The following TFIP11 variants were observed in gnomAD, a reference collection of about 807,000 sequenced individuals.
TFIP11 encodes the protein tuftelin-interacting protein 11.
A neutral mutation model predicts 96.8 loss-of-function variants in TFIP11; 86 were observed. The ratio of observed to expected loss-of-function variants is 0.89; its 90% CI spans 0.75 to 1.06. TFIP11 has a LOEUF of 1.06. Ranked by LOEUF, TFIP11 falls within the 50% of genes least tolerant of loss-of-function variation. The pLI is 0.00. For synonymous variants in TFIP11, 405 were observed against 395.2 expected (o/e 1.02, Z -0.29); for missense variants, 881 against 1,076.7 (o/e 0.82, Z 2.54).
intron 7 of TFIP11, among the ~76,000 whole-genome samples, chr22:26,502,934 C>T (rs1167625795): frequency 1.3e-5 from 2 of 152,218 alleles, no homozygotes; most frequent in Non-Finnish European, 2.9e-5. Flanking sequence ...ACACCTGACT[C>T]ACAGTGGTCA....
Position 26,499,493 on chromosome 22 carries a change from C to CG in TFIP11, c.939dup (p.Gly314ArgfsTer26). Reference sequence around the variant, plus strand: ...TGCTCCAGCTCGGGCAGCGCGAAGCCGGGGGCCTTGGCCTCTTTGCCAGAC... The same window carrying CG: ...TGCTCCAGCTCGGGCAGCGCGAAGCCGGGGGGCCTTGGCCTCTTTGCCAGAC... On this transcript the variant is annotated frameshift_variant, in exon 9 of 15. Transcript: ENST00000407690. LOFTEE classifies it high-confidence loss of function. The CG allele has an allele frequency of 6.2e-7, 1 of 1,614,170 alleles. No individual in the cohort carries two copies. Among genetic ancestry groups the CG allele is most frequent in the Non-Finnish European group, 8.5e-7 (1 of 1,180,050 alleles).
At position 26,494,348 on chromosome 22, in the gene TFIP11, G is replaced by A. The variant is rs374824076; in HGVS notation, c.1993-44C>T. On this transcript the variant is annotated intron_variant, in intron 13 of 14. Transcript: ENST00000407690. ...ACTTGCATCCATCGTGGCAACAAATGAAGGCAAGATTTCTGAAGTGGCCAT... is the reference window on the plus strand; with the variant it reads ...ACTTGCATCCATCGTGGCAACAAATAAAGGCAAGATTTCTGAAGTGGCCAT... 3 of 1,613,012 alleles carry A rather than the reference G, an allele frequency of 1.9e-6. No homozygotes were observed. In the African/African-American group the frequency reaches 4.0e-5, roughly 22 times the overall value.
rs1420826525 is a variant in TFIP11, at chr22:26,499,301, C to G, written c.1132G>C (p.Glu378Gln). 1 of 1,614,092 alleles carries G rather than the reference C, an allele frequency of 6.2e-7. No homozygotes were observed. The change falls in exon 9 of 15, where the codon GAG becomes CAG. Residue 378 changes from glutamate (E) to glutamine (Q), a missense_variant. Transcript: ENST00000407690. ...CGCCGCTCGCACTCCTCCACCATCT[C>G]CAGGACCTTGCTGAGGTTCGAGATG... The part of the protein sequence containing the change: ...RVISNLSKVL[E>Q]MVEECERRMQ...
chr22:26,492,187 C>T lies in TFIP11; in HGVS notation c.2340G>A (p.Lys780=). 6.2e-7 allele frequency: 1 copy of T among 1,614,220 alleles called. No homozygotes were observed. The highest frequency in any genetic ancestry group is 8.5e-7 in the Non-Finnish European group (1 of 1,180,042). ...PMNFKDLIET[K]AEEHNIVFMP... ...TGAAGACAATGTTGTGCTCCTCAGCCTTGGTCTCAATGAGGTCCTTAAAGT... is the reference window on the plus strand; with the variant it reads ...TGAAGACAATGTTGTGCTCCTCAGCTTTGGTCTCAATGAGGTCCTTAAAGT... The change falls in exon 15 of 15, where the codon AAG becomes AAA. Residue 780 remains lysine, a synonymous_variant. Transcript: ENST00000407690.
Position 26,510,178 on chromosome 22 carries a change from T to C in TFIP11, c.95A>G (p.Gln32Arg). Residue 32 changes from glutamine to arginine, a missense_variant, in exon 4 of 15, where the codon CAG becomes CGG. Physicochemically the swap from Gln to Arg is conservative, Grantham distance 43. Transcript: ENST00000407690. The part of the protein sequence containing the change: ...ENFEITDWDL[Q>R]NEFNPNRQRH... Reference sequence around the variant, plus strand: ...CTGTCGGTTGGGGTTGAACTCATTCTGGAGATCCCAGTCAGTGATCTCAAA... The same window carrying C: ...CTGTCGGTTGGGGTTGAACTCATTCCGGAGATCCCAGTCAGTGATCTCAAA... The C allele has an allele frequency of 6.2e-7, 1 of 1,614,230 alleles. No homozygotes were observed. Among genetic ancestry groups the C allele is most frequent in the Non-Finnish European group, 8.5e-7 (1 of 1,180,044 alleles).
At chr22:26,511,950 T>A (rs1287290618) in intron 2 of TFIP11, 149 bp downstream of exon 2, 1 of 152,210 alleles carries the variant, frequency 6.6e-6, no homozygotes, top group Non-Finnish European at 1.5e-5. Flanking sequence ...TCACAAGTTA[T>A]GAAGCCTTTA....
intron 4 of TFIP11, 81 bp downstream of exon 4, chr22:26,509,983 T>C (rs1923854343): frequency 3.5e-6 from 5 of 1,442,224 alleles, no homozygotes; most frequent in Non-Finnish European, 4.8e-6. Context: ...AGTATACTTA[T>C]CAGGGTATCT....
chr22:26,492,139 G>A lies in TFIP11; in HGVS notation c.2388C>T (p.His796=), dbSNP rs369081686. ...CAAAGGTGTAGAGCTGCTTCCCTTCGTGTCGCTTCCCAATGACGGGCATGA... is the reference window on the plus strand; with the variant it reads ...CAAAGGTGTAGAGCTGCTTCCCTTCATGTCGCTTCCCAATGACGGGCATGA... The part of the protein sequence containing the change: ...IVFMPVIGKR[H]EGKQLYTFGR... The change falls in exon 15 of 15, where the codon CAC becomes CAT. Residue 796 remains histidine (H), a synonymous_variant. Transcript: ENST00000407690. 2.9e-5 allele frequency: 46 copies of A among 1,613,444 alleles called. No homozygotes were observed. The Admixed American group carries it at 3.2e-4, about 11-fold the overall frequency.
intron 10 of TFIP11, chr22:26,498,630 A>T (rs1452595506): frequency 2.2e-6 from 1 of 452,756 alleles, no homozygotes; most frequent in Non-Finnish European, 4.0e-6. Context: ...AATCACCACT[A>T]AAGAACTTAC....
At chr22:26,502,089 C>T (rs1376834177) in intron 7 of TFIP11, 37 bp from the exon 8 acceptor site, 1 of 1,613,662 alleles carries the variant, frequency 6.2e-7, no homozygotes, top group South Asian at 1.1e-5. Flanking sequence ...CAGCAAGGAA[C>T]AACCACTTTT....
rs757813052 is a variant in TFIP11 at position 26,498,838 on chromosome 22, C to G, written c.1436+31G>C. On this transcript the variant is annotated intron_variant, in intron 10 of 14. Coordinates refer to ENST00000407690, the MANE Select transcript of TFIP11 (RefSeq NM_012143.4). ...TTCCCAACCCCCCAGGAGAAAGGAG[C>G]TGGGGTACAGAGCCCTGCTCTGTGG... 1.3e-5 allele frequency: 20 copies of G among 1,574,480 alleles called. 1 individual carries two copies. In the South Asian group the frequency reaches 2.2e-4, roughly 17 times the overall value.
At chr22:26,506,544 C>A (rs1923433799) in intron 5 of TFIP11, 85 bp from the exon 6 acceptor site, 3 of 1,507,292 alleles carry the variant, frequency 2.0e-6, no homozygotes, top group African/African-American at 2.8e-5. Flanking sequence ...AGGAAAATGG[C>A]CTAAGTTATA....
intron 5 of TFIP11, 25 bp downstream of exon 5, chr22:26,506,750 G>A (rs757371361): frequency 1.2e-5 from 19 of 1,613,418 alleles, no homozygotes; most frequent in East Asian, 2.2e-5. Flanking sequence ...TATTCCTAGG[G>A]TCACAATCCT....
In TFIP11 at chr22:26,498,851, C is replaced by T. The variant is rs779700469; in HGVS notation, c.1436+18G>A. 1.2e-6 allele frequency: 2 copies of T among 1,606,218 alleles called. No individual in the cohort carries two copies. The highest frequency in any genetic ancestry group is 1.1e-5 in the South Asian group (1 of 90,964). On this transcript the variant is annotated intron_variant, in intron 10 of 14. Coordinates refer to ENST00000407690, the MANE Select transcript of TFIP11 (RefSeq NM_012143.4). Reference sequence around the variant, plus strand: ...AGGAGAAAGGAGCTGGGGTACAGAGCCCTGCTCTGTGGTGTACCTGTGAAA... The same window carrying T: ...AGGAGAAAGGAGCTGGGGTACAGAGTCCTGCTCTGTGGTGTACCTGTGAAA...
rs150843922 is a variant in TFIP11, at chr22:26,494,189, T to A, written c.2108A>T (p.Lys703Ile). Reference sequence around the variant, plus strand: ...CATGATATCAAGTGCCTCATTAAATTTGTCCTTGACAGATGGATGTGCCAG... The same window carrying A: ...CATGATATCAAGTGCCTCATTAAATATGTCCTTGACAGATGGATGTGCCAG... ...QVLAHPSVKD[K>I]FNEALDIMNR... The change falls in exon 14 of 15, where the codon AAA becomes ATA. Residue 703 changes from lysine to isoleucine, a missense_variant. Coordinates refer to ENST00000407690, the MANE Select transcript of TFIP11 (RefSeq NM_012143.4). The A allele has an allele frequency of 6.2e-7, 1 of 1,614,216 alleles. No individual in the cohort carries two copies. The highest frequency in any genetic ancestry group is 8.5e-7 in the Non-Finnish European group (1 of 1,180,028).
At chr22:26,510,373 G>C in intron 3 of TFIP11, 92 bp from the exon 4 acceptor site, 1 of 1,212,666 alleles carries the variant, frequency 8.2e-7, no homozygotes, top group Non-Finnish European at 1.2e-6. Context: ...GCTGCTTTCA[G>C]AACTTTCTCC....
chr22:26,501,915 T>C lies in TFIP11; in HGVS notation c.786A>G (p.Glu262=), dbSNP rs768782653. 6.2e-7 allele frequency: 1 copy of C among 1,613,146 alleles called. No homozygotes were observed. Among genetic ancestry groups the C allele is most frequent in the Non-Finnish European group, 8.5e-7 (1 of 1,179,732 alleles). ...ISKKLTAPQK[E]LSQVKVIDMT... is the part of the protein sequence containing the mutation. Reference sequence around the variant, plus strand: ...GCCCCTGTACCTTGACTTGAGAAAGTTCCTTCTGGGGAGCAGTGAGCTTCT... The same window carrying C: ...GCCCCTGTACCTTGACTTGAGAAAGCTCCTTCTGGGGAGCAGTGAGCTTCT... The change falls in exon 8 of 15, where the codon GAA becomes GAG. Residue 262 remains glutamate (E), a synonymous_variant. Transcript: ENST00000407690.
chr22:26,503,276 C>G (rs1431128027), intron 7 of TFIP11, among the ~76,000 whole-genome samples: 1 of 152,170 alleles, frequency 6.6e-6, no homozygotes, highest in Non-Finnish European at 1.5e-5. Flanking sequence ...TTCTTAACCA[C>G]CAAGCTCAGA....
At chr22:26,500,609 C>T (rs915935551) in intron 8 of TFIP11, among the ~76,000 whole-genome samples, 10 of 151,890 alleles carry the variant, frequency 6.6e-5, no homozygotes, top group African/African-American at 2.4e-4. Context: ...TTCATCACCA[C>T]TTTTTAAGTA....
Sources: allele counts gnomAD v4.1 joint callset (sites outside exome capture counted in the v4.1 genomes callset), GRCh38; gene constraint gnomAD v4.1.1; transcripts MANE v1.5; gene names NCBI Gene and HGNC (gene_info 2026-07-23, HGNC 2026-07-21).